PCNT: variants seen among roughly 807,000 people sequenced by gnomAD.
The protein encoded by PCNT is kendrin.
Under a neutral mutation model 380.4 loss-of-function variants are expected in PCNT, and 319 were observed. That is an observed-to-expected ratio of 0.84 (90% CI 0.77 to 0.92). The LOEUF (loss-of-function observed/expected upper bound fraction) is 0.92, where lower values mean the gene tolerates loss of function less well. PCNT is among the 40% of genes least tolerant of loss of function. PCNT has a pLI of 0.00. For missense variants in PCNT, 4,400 were observed against 4,255.3 expected, an observed-to-expected ratio of 1.03 and a Z score of -0.95; for synonymous variants, 1,845 against 1,735.2, an observed-to-expected ratio of 1.06 and a Z score of -1.57.
chr21:46,354,220 C>G, intron 11 of PCNT, 152 bp downstream of exon 11: 1 of 749,998 alleles, frequency 1.3e-6, no homozygotes, highest in South Asian at 1.5e-5. Flanking sequence ...CTCACTGCTG[C>G]TCCGCGGTGG....
At chr21:46,442,434 C>A in intron 43 of PCNT, 63 bp from the exon 44 acceptor site, 1 of 1,053,202 alleles carries the variant, frequency 9.5e-7, no homozygotes, top group South Asian at 1.3e-5. Flanking sequence ...GTGGGGTTTT[C>A]ATTGCTCTTT....
rs562429635 is a variant in PCNT at position 46,359,741 on chromosome 21, C to G, written c.2154+2550C>G. Among the ~76,000 whole-genome samples, 4 of 151,932 alleles carry G rather than the reference C, an allele frequency of 2.6e-5. No individual in the cohort carries two copies. In the South Asian group the frequency reaches 8.3e-4, roughly 31 times the overall value. On this transcript the variant is annotated intron_variant, in intron 13 of 46. Transcript: ENST00000359568. ...TGACCTCATGATCTGCCTGCCTCAG[C>G]CTCCCAAATTTTTGGGTTTACAGGC... is the stretch of plus-strand genomic sequence containing the variant.
At chr21:46,367,199 T>G in intron 15 of PCNT, 60 bp downstream of exon 15, 11 of 1,426,798 alleles carry the variant, frequency 7.7e-6, no homozygotes, top group Non-Finnish European at 1.1e-5. Flanking sequence ...CCTGTGTGTT[T>G]CCACCGCGTG....
chr21:46,365,687 G>T (rs1042094012), intron 14 of PCNT, among the ~76,000 whole-genome samples: 3 of 146,888 alleles, frequency 2.0e-5, no homozygotes, highest in Non-Finnish European at 4.5e-5. Flanking sequence ...CTGCCATGGG[G>T]TTCTCCTCAC....
At chr21:46,345,881 T>C (rs1266182893) in intron 3 of PCNT, among the ~76,000 whole-genome samples, 1 of 152,236 alleles carries the variant, frequency 6.6e-6, no homozygotes, top group East Asian at 1.9e-4. Context: ...TCTTCAGGGC[T>C]CCTCTGTGTT....
In PCNT at chr21:46,359,265, T is replaced by C. The variant is rs1401398625; in HGVS notation, c.2154+2074T>C. The stretch of plus-strand genomic sequence containing the variant: ...ACCGAACCTGGCTCCAGGTGACTTT[T>C]TGATGCTCATGTCTTTATGCTTTTC... On this transcript the variant is annotated intron_variant, in intron 13 of 46. Coordinates refer to ENST00000359568, the MANE Select transcript of PCNT (RefSeq NM_006031.6). Among the ~76,000 whole-genome samples the C allele has an allele frequency of 2.3e-5, 3 of 133,296 alleles. 1 individual carries two copies. The highest frequency in any genetic ancestry group is 5.1e-5 in the Non-Finnish European group (3 of 58,674). 87.4% of individuals were successfully genotyped at this position (133,296 alleles called of 152,430 possible).
chr21:46,428,448 C>T lies in PCNT; in HGVS notation c.7548C>T (p.Ser2516=). 6.2e-7 allele frequency: 1 copy of T among 1,612,524 alleles called. No individual in the cohort carries two copies. Among genetic ancestry groups the T allele is most frequent in the South Asian group, 1.1e-5 (1 of 90,986 alleles). ...LEHLRLPDRS[S]LLSEIQALRA... ...ATCTTCGCTTGCCGGACCGGAGCAG[C>T]CTGCTGTCCGAGATCCAGGCGCTGC... Residue 2516 remains serine (S), a synonymous_variant, in exon 35 of 47, where the codon AGC becomes AGT. Coordinates refer to ENST00000359568, the MANE Select transcript of PCNT (RefSeq NM_006031.6).
At position 46,355,840 on chromosome 21, in the gene PCNT, G is replaced by A. The variant is rs377682309; in HGVS notation, c.1936+214G>A. 3.1e-3 allele frequency among the ~76,000 whole-genome samples: 469 copies of A among 152,298 alleles called. 3 individuals carry two copies. Among genetic ancestry groups the A allele is most frequent in the African/African-American group, 0.011 (448 of 41,564 alleles). Reference sequence around the variant, plus strand: ...TGGCTGGGCAGGAGTGCGTGTCCTGGGCCAGCGCCCCAGCAGGGCAGGTCT... The same window carrying A: ...TGGCTGGGCAGGAGTGCGTGTCCTGAGCCAGCGCCCCAGCAGGGCAGGTCT... On this transcript the variant is annotated intron_variant, in intron 12 of 46. Coordinates refer to ENST00000359568, the MANE Select transcript of PCNT (RefSeq NM_006031.6).
intron 18 of PCNT, 143 bp downstream of exon 18, chr21:46,389,027 A>G: frequency 7.2e-7 from 1 of 1,394,086 alleles, no homozygotes; most frequent in Non-Finnish European, 9.8e-7. Flanking sequence ...GCACTTACAG[A>G]AGGCCGAGAC....
At chr21:46,330,315 C>T (rs1235215767) in intron 2 of PCNT, among the ~76,000 whole-genome samples, 1 of 152,118 alleles carries the variant, frequency 6.6e-6, no homozygotes, top group African/African-American at 2.4e-5. Context: ...GACAGTGTTA[C>T]ACTGTGTTGT....
intron 23 of PCNT, 44 bp downstream of exon 23, chr21:46,398,174 C>T (rs1166254211): frequency 6.2e-7 from 1 of 1,606,934 alleles, no homozygotes; most frequent in Admixed American, 1.7e-5. Flanking sequence ...CTGTCTTTCA[C>T]TGTGTTTTTA....
intron 15 of PCNT, among the ~76,000 whole-genome samples, chr21:46,377,711 G>A (rs8127251): frequency 0.32 from 48,831 of 152,036 alleles, 8,376 homozygotes; most frequent in Middle Eastern, 0.41. Context: ...AGCCTGGCAT[G>A]TTGGCGTGCC....
chr21:46,429,929 C>T (rs1304369241), intron 35 of PCNT, 81 bp from the exon 36 acceptor site: 31 of 1,127,904 alleles, frequency 2.7e-5, no homozygotes, highest in Non-Finnish European at 3.7e-5. Flanking sequence ...CACGCCCCCA[C>T]GAGTCTGTCT....
chr21:46,338,354 A>G lies in PCNT; in HGVS notation c.639+3586A>G, dbSNP rs138256480. Among the ~76,000 whole-genome samples the G allele has an allele frequency of 3.0e-4, 45 of 152,126 alleles. No homozygotes were observed. The East Asian group carries it at 7.9e-3, about 27-fold the overall frequency. ...CAACCAGTGGTCTGTTTTTTGTTCTATGGTTTTGCCTTTTCCAGAATGTTC... is the reference window on the plus strand; with the variant it reads ...CAACCAGTGGTCTGTTTTTTGTTCTGTGGTTTTGCCTTTTCCAGAATGTTC... On this transcript the variant is annotated intron_variant, in intron 3 of 46. Coordinates refer to ENST00000359568, the MANE Select transcript of PCNT (RefSeq NM_006031.6).
chr21:46,329,574 G>A (rs1246359447), intron 2 of PCNT, among the ~76,000 whole-genome samples: 1 of 152,098 alleles, frequency 6.6e-6, no homozygotes, highest in Non-Finnish European at 1.5e-5. Context: ...TGGTCCCCTT[G>A]ACTTAGAGAT....
intron 1 of PCNT, among the ~76,000 whole-genome samples, 193 bp from the exon 2 acceptor site, chr21:46,326,184 C>T (rs543823156): frequency 6.6e-6 from 1 of 152,202 alleles, no homozygotes; most frequent in Non-Finnish European, 1.5e-5. Flanking sequence ...TAGCAGTCCT[C>T]ATTGTTAGAC....
chr21:46,429,317 T>A (rs2087644547), intron 35 of PCNT, among the ~76,000 whole-genome samples: 1 of 88,924 alleles, frequency 1.1e-5, no homozygotes, highest in African/African-American at 7.0e-5. Context: ...GTGCGAGCGC[T>A]CGTGAGAGGC....
At chr21:46,385,072 T>TC (rs1423782195) in intron 16 of PCNT, among the ~76,000 whole-genome samples, 1 of 152,130 alleles carries the variant, frequency 6.6e-6, no homozygotes, top group Non-Finnish European at 1.5e-5. Flanking sequence ...CCATTTGCCC[T>TC]CCCCTGGCAC....
rs2087564706 is a variant in PCNT, at chr21:46,427,638, G to T, written c.7337G>T (p.Cys2446Phe). Residue 2446 changes from cysteine (C) to phenylalanine (F), a missense_variant, in exon 34 of 47, where the codon TGC becomes TTC. Physicochemically the swap from Cys to Phe is radical, Grantham distance 205 (BLOSUM62 -2). Coordinates refer to ENST00000359568, the MANE Select transcript of PCNT (RefSeq NM_006031.6). ...GGKTQEVPTA[C>F]PDWRGDLLQV... Reference sequence around the variant, plus strand: ...TTCCTTTAGGAAGTGCCCACCGCGTGCCCCGATTGGAGAGGGGACCTTCTG... The same window carrying T: ...TTCCTTTAGGAAGTGCCCACCGCGTTCCCCGATTGGAGAGGGGACCTTCTG... 5.0e-6 allele frequency: 8 copies of T among 1,613,966 alleles called. No homozygotes were observed. The highest frequency in any genetic ancestry group is 2.7e-5 in the African/African-American group (2 of 75,068).
Sources: gnomAD v4.1 joint callset for allele counts (sites outside exome capture counted in the v4.1 genomes callset) on GRCh38, gnomAD v4.1.1 for gene constraint, MANE v1.5 for transcripts, NCBI Gene and HGNC (gene_info 2026-07-23, HGNC 2026-07-21) for gene names.